Variants in TRIM24 observed in about 807,000 individuals in gnomAD.
TRIM24 encodes tripartite motif containing 24.
In TRIM24, 29 loss-of-function variants were observed where a neutral mutation model predicts 123.9. The ratio of observed to expected loss-of-function variants is 0.23; its 90% CI spans 0.17 to 0.32. The LOEUF is 0.32. TRIM24 is among the 10% of genes least tolerant of loss of function. TRIM24 has a pLI of 1.00. For missense variants in TRIM24, 932 were observed against 1,295.3 expected, an observed-to-expected ratio of 0.72 and a Z score of 4.31; for synonymous variants, 456 against 461.1, an observed-to-expected ratio of 0.99 and a Z score of 0.14.
chr7:138,499,085 T>C (rs1168652268), intron 1 of TRIM24, among the ~76,000 whole-genome samples: 1 of 152,188 alleles, frequency 6.6e-6, no homozygotes, highest in Non-Finnish European at 1.5e-5. Flanking sequence ...TTTGTCTTTT[T>C]TTTTAATTTT....
At chr7:138,532,936 G>A (rs1199540510) in intron 6 of TRIM24, among the ~76,000 whole-genome samples, 4 of 152,174 alleles carry the variant, frequency 2.6e-5, no homozygotes, top group African/African-American at 9.7e-5. Context: ...CACATCCCTT[G>A]TAAGTGGGAT....
In TRIM24 at chr7:138,568,356, C is replaced by T. The variant is rs561930314; in HGVS notation, c.1704+702C>T. ...CAGGATGGTCTCAATCTCCTAAACTCGTAAGCCACCGTACCTGGCCTCCTT... is the reference window on the plus strand; with the variant it reads ...CAGGATGGTCTCAATCTCCTAAACTTGTAAGCCACCGTACCTGGCCTCCTT... On this transcript the variant is annotated intron_variant, in intron 10 of 18. Transcript: ENST00000343526. 1.4e-4 allele frequency among the ~76,000 whole-genome samples: 19 copies of T among 137,890 alleles called. No individual in the cohort carries two copies. In the South Asian group the frequency reaches 1.7e-3, roughly 12 times the overall value. The allele number at this position is 137,890 out of a possible 152,430, so 90.5% of individuals were successfully genotyped here.
intron 1 of TRIM24, among the ~76,000 whole-genome samples, chr7:138,467,125 A>G (rs1795160102): frequency 1.3e-5 from 2 of 152,322 alleles, no homozygotes; most frequent in Admixed American, 6.5e-5. Flanking sequence ...CAGCTAATAC[A>G]TAATGTTTTT....
intron 9 of TRIM24, among the ~76,000 whole-genome samples, chr7:138,557,716 CA>C (rs1407070246): frequency 6.6e-6 from 1 of 152,178 alleles, no homozygotes; most frequent in African/African-American, 2.4e-5. Flanking sequence ...CTGCATACCC[CA>C]CCTTCCTGGG....
chr7:138,534,041 T>C (rs1194821245), intron 6 of TRIM24, among the ~76,000 whole-genome samples: 1 of 152,260 alleles, frequency 6.6e-6, no homozygotes, highest in Admixed American at 6.5e-5. Context: ...AGTTTGTATT[T>C]CTGTGGGATC....
At chr7:138,528,774 T>TCC (rs1263109714) in intron 5 of TRIM24, among the ~76,000 whole-genome samples, 1 of 40,748 alleles carries the variant, frequency 2.5e-5, no homozygotes, top group East Asian at 7.5e-4. Flanking sequence ...TCCTTTTTGG[T>TCC]CCACCCCCAC....
At chr7:138,463,050 T>TTTTG (rs1795045621) in intron 1 of TRIM24, among the ~76,000 whole-genome samples, 2 of 126,918 alleles carry the variant, frequency 1.6e-5, no homozygotes, top group Admixed American at 8.3e-5. Context: ...TGTGTTTTTT[T>TTTTG]TTTTTTTTTT....
intron 1 of TRIM24, among the ~76,000 whole-genome samples, chr7:138,472,964 C>CA (rs1274464705): frequency 6.6e-6 from 1 of 152,116 alleles, no homozygotes; most frequent in Non-Finnish European, 1.5e-5. Context: ...GCCTCCCATT[C>CA]AATCCCTTAC....
intron 5 of TRIM24, 44 bp downstream of exon 5, chr7:138,525,401 A>T: frequency 8.8e-7 from 1 of 1,138,292 alleles, no homozygotes; most frequent in South Asian, 2.0e-5. Flanking sequence ...TAATTTGTTA[A>T]GTATATTCAC....
chr7:138,537,390 T>G (rs1410409773), intron 6 of TRIM24, among the ~76,000 whole-genome samples: 5 of 127,544 alleles, frequency 3.9e-5, no homozygotes, highest in Admixed American at 2.4e-4. Context: ...TTTTTTTTTT[T>G]TTTTTTTTTT....
intron 9 of TRIM24, among the ~76,000 whole-genome samples, chr7:138,564,899 G>A (rs1445917557): frequency 1.3e-5 from 2 of 152,102 alleles, no homozygotes; most frequent in Non-Finnish European, 2.9e-5. Context: ...TTTCCTCCCA[G>A]TTACAGCGCA....
chr7:138,547,501 A>G (rs1797125486), intron 7 of TRIM24, among the ~76,000 whole-genome samples: 1 of 152,226 alleles, frequency 6.6e-6, no homozygotes, highest in African/African-American at 2.4e-5. Flanking sequence ...AACATATTCA[A>G]TTTTTATTGG....
At chr7:138,495,936 CTCTA>C (rs1195737608) in intron 1 of TRIM24, among the ~76,000 whole-genome samples, 1 of 152,144 alleles carries the variant, frequency 6.6e-6, no homozygotes. Flanking sequence ...TGTTTCTGGA[CTCTA>C]TTCTGTTTCA....
chr7:138,576,948 A>T (rs1288721015), intron 13 of TRIM24, among the ~76,000 whole-genome samples: 2 of 152,218 alleles, frequency 1.3e-5, no homozygotes, highest in Non-Finnish European at 2.9e-5. Context: ...TGTCTGAGGG[A>T]GAAAAGTTTG....
intron 1 of TRIM24, among the ~76,000 whole-genome samples, chr7:138,473,176 A>G (rs1795312208): frequency 6.6e-6 from 1 of 152,204 alleles, no homozygotes; most frequent in African/African-American, 2.4e-5. Flanking sequence ...GCTACTCGGG[A>G]GGCTGAGGCA....
intron 1 of TRIM24, among the ~76,000 whole-genome samples, chr7:138,491,577 T>C (rs191786477): frequency 1.3e-5 from 2 of 152,338 alleles, no homozygotes; most frequent in East Asian, 3.9e-4. Context: ...TATTTACACA[T>C]TGATCTTTTA....
chr7:138,515,760 G>A (rs1053016340), intron 3 of TRIM24, among the ~76,000 whole-genome samples: 1 of 152,190 alleles, frequency 6.6e-6, no homozygotes, highest in Non-Finnish European at 1.5e-5. Context: ...TGGATAGCCA[G>A]AGAGGCTTTT....
chr7:138,517,697 A>G (rs569509180), intron 3 of TRIM24, among the ~76,000 whole-genome samples: 14 of 152,228 alleles, frequency 9.2e-5, no homozygotes, highest in Middle Eastern at 3.4e-3. Flanking sequence ...TGGTTTGTCA[A>G]TTTTGACACT....
At chr7:138,491,944 G>A (rs1196579778) in intron 1 of TRIM24, among the ~76,000 whole-genome samples, 1 of 145,550 alleles carries the variant, frequency 6.9e-6, no homozygotes, top group Non-Finnish European at 1.5e-5. Context: ...TGTGCTTGTT[G>A]GTTGCTGTTT....
Sources: allele counts gnomAD v4.1 joint callset (sites outside exome capture counted in the v4.1 genomes callset), GRCh38; gene constraint gnomAD v4.1.1; transcripts MANE v1.5; gene names NCBI Gene and HGNC (gene_info 2026-07-23, HGNC 2026-07-21).